The following ORC1 variants were observed in gnomAD, a reference collection of about 807,000 sequenced individuals.
ORC1 encodes the protein origin recognition complex subunit 1, also known as origin recognition complex, subunit 1 homolog.
ORC1 carries 61 observed loss-of-function variants against 98.9 expected under a neutral mutation model. The ratio of observed to expected loss-of-function variants is 0.62; its 90% CI spans 0.50 to 0.76. The LOEUF is 0.76. ORC1 is among the 30% of genes least tolerant of loss of function. The pLI is 0.00. For missense variants in ORC1, 979 were observed against 1,072.2 expected (o/e 0.91, Z 1.21); for synonymous variants, 385 against 406.9 (o/e 0.95, Z 0.65).
In ORC1 at chr1:52,372,871, T is replaced by C; in HGVS notation, c.*310A>G. 5.6e-6 allele frequency: 2 copies of C among 357,296 alleles called. No homozygotes were observed. The highest frequency in any genetic ancestry group is 5.4e-6 in the Non-Finnish European group (1 of 186,684). 22.1% of individuals were successfully genotyped at this position (357,296 alleles called of 1,614,324 possible). A position where few individuals can be genotyped will look rare whatever the true frequency, so the allele number is the denominator to read the frequency against. ...ATTTAATGGAAAATTCCAAAATACA[T>C]GAGAGCCATTTCCATTCAATATACT... On this transcript the variant is annotated 3_prime_UTR_variant, in exon 17 of 17. Coordinates refer to ENST00000371568, the MANE Select transcript of ORC1 (RefSeq NM_004153.4).
chr1:52,401,590 T>C, intron 2 of ORC1, 101 bp from the exon 3 acceptor site: 2 of 1,401,898 alleles, frequency 1.4e-6, no homozygotes, highest in Non-Finnish European at 2.0e-6. Flanking sequence ...TCCTGATTTC[T>C]TTCTGCTGAC....
intron 4 of ORC1, among the ~76,000 whole-genome samples, chr1:52,396,839 TC>T (rs1003325698): frequency 7.2e-5 from 11 of 152,098 alleles, no homozygotes; most frequent in Non-Finnish European, 1.0e-4. Flanking sequence ...CAATAATGGC[TC>T]CCACTGTAGC....
intron 13 of ORC1, among the ~76,000 whole-genome samples, chr1:52,382,270 C>T (rs918805609): frequency 2.6e-5 from 4 of 151,650 alleles, no homozygotes; most frequent in South Asian, 2.1e-4. Context: ...TGAGCAACCA[C>T]GCCCGGCCTA....
At chr1:52,405,866 T>C (rs1347584058), upstream of ORC1, 15 of 1,603,774 alleles carry the variant, frequency 9.4e-6, no homozygotes, top group South Asian at 7.7e-5. Context: ...CTAGCTAATA[T>C]AAGAGGTTTA....
chr1:52,390,405 C>T (rs373401094), intron 6 of ORC1, among the ~76,000 whole-genome samples: 1 of 152,180 alleles, frequency 6.6e-6, no homozygotes, highest in Non-Finnish European at 1.5e-5. Flanking sequence ...ATACTTATAG[C>T]CGACTGATGT....
In ORC1 at chr1:52,374,920, G is replaced by A. The variant is rs3087475; in HGVS notation, c.2304-23C>T. 3,014 of 1,534,310 alleles carry A rather than the reference G, an allele frequency of 2.0e-3. 49 individuals are homozygous for A. The African/African-American group carries it at 0.036, about 18-fold the overall frequency. On this transcript the variant is annotated intron_variant, in intron 15 of 16. Coordinates refer to ENST00000371568, the MANE Select transcript of ORC1 (RefSeq NM_004153.4). ...TTTCTTAAAGGAAACGAGGGGATGT[G>A]AGTTTTTGTCAGTGGCTGTAACCCC... is the stretch of plus-strand genomic sequence containing the variant.
intron 14 of ORC1, among the ~76,000 whole-genome samples, chr1:52,378,901 C>T (rs557955396): frequency 1.3e-5 from 2 of 149,026 alleles, no homozygotes; most frequent in Admixed American, 1.3e-4. Context: ...GGCATGTTGG[C>T]GGGCACCTGT....
intron 1 of ORC1, among the ~76,000 whole-genome samples, chr1:52,403,627 C>T (rs530562963): frequency 1.2e-4 from 19 of 152,140 alleles, no homozygotes; most frequent in Non-Finnish European, 2.6e-4. Flanking sequence ...ATAAGAATGC[C>T]TTTTCCAACT....
rs1352006886 is a variant in ORC1, at chr1:52,373,038, T to TG, written c.*142dup. 6 of 866,518 alleles carry TG rather than the reference T, an allele frequency of 6.9e-6. No homozygotes were observed. Among genetic ancestry groups the TG allele is most frequent in the East Asian group, 4.9e-5 (2 of 40,590 alleles). 53.7% of individuals were successfully genotyped at this position (866,518 alleles called of 1,614,324 possible). A position where few individuals can be genotyped will look rare whatever the true frequency, so the allele number is the denominator to read the frequency against. ...TTTCAGCCACCTGGGAGGATGAGGTTGGGGGGTCACCTAAGCCTGAGAAGT... is the reference window on the plus strand; with the variant it reads ...TTTCAGCCACCTGGGAGGATGAGGTTGGGGGGGTCACCTAAGCCTGAGAAGT... On this transcript the variant is annotated 3_prime_UTR_variant, in exon 17 of 17. Coordinates refer to ENST00000371568, the MANE Select transcript of ORC1 (RefSeq NM_004153.4).
At chr1:52,396,420 A>G (rs895291221) in intron 4 of ORC1, 56 bp from the exon 5 acceptor site, 4 of 1,609,404 alleles carry the variant, frequency 2.5e-6, no homozygotes, top group Non-Finnish European at 3.4e-6. Flanking sequence ...AGAGCCAAGG[A>G]GTATTCCATC....
chr1:52,394,764 T>G (rs1173299824), intron 5 of ORC1, among the ~76,000 whole-genome samples: 3 of 152,170 alleles, frequency 2.0e-5, no homozygotes, highest in African/African-American at 7.2e-5. Flanking sequence ...TTCTCCTGCC[T>G]CAGCCTCCCG....
intron 14 of ORC1, among the ~76,000 whole-genome samples, chr1:52,379,525 G>A (rs1174521153): frequency 6.6e-6 from 1 of 151,984 alleles, no homozygotes; most frequent in Non-Finnish European, 1.5e-5. Flanking sequence ...TTACAGGCGT[G>A]AGCCACCGCA....
chr1:52,395,130 G>A (rs975826429), intron 5 of ORC1, among the ~76,000 whole-genome samples: 2 of 152,140 alleles, frequency 1.3e-5, no homozygotes, highest in African/African-American at 4.8e-5. Flanking sequence ...AAGGATGAAT[G>A]ACTACAACAA....
chr1:52,381,796 T>G, intron 13 of ORC1, 35 bp from the exon 14 acceptor site: 1 of 1,610,472 alleles, frequency 6.2e-7, no homozygotes, highest in Non-Finnish European at 8.5e-7. Flanking sequence ...ATAAGTTGGT[T>G]GACTGCCCAG....
At chr1:52,391,037 G>T (rs1209574509) in intron 6 of ORC1, among the ~76,000 whole-genome samples, 1 of 151,690 alleles carries the variant, frequency 6.6e-6, no homozygotes, top group South Asian at 2.1e-4. Flanking sequence ...ACGGGCAGGC[G>T]CAGTGGCTCA....
chr1:52,408,566 C>T (rs1648065860), upstream of ORC1: 1 of 1,614,138 alleles, frequency 6.2e-7, no homozygotes, highest in East Asian at 2.2e-5. Flanking sequence ...ATCTGTCTCT[C>T]AGGTATGTCC....
chr1:52,388,664 TACTC>T, intron 7 of ORC1, 27 bp from the exon 8 acceptor site: 1 of 1,580,436 alleles, frequency 6.3e-7, no homozygotes. Context: ...TATTTTTTGA[TACTC>T]AGTGTTCAAG....
chr1:52,405,898 G>A (rs947435603), upstream of ORC1: 1 of 1,506,434 alleles, frequency 6.6e-7, no homozygotes, highest in Non-Finnish European at 9.2e-7. Flanking sequence ...TTAGAATTGG[G>A]CTTTGGTTAA....
intron 11 of ORC1, among the ~76,000 whole-genome samples, 158 bp from the exon 12 acceptor site, chr1:52,384,095 G>A (rs1202725130): frequency 6.6e-6 from 1 of 152,234 alleles, no homozygotes; most frequent in Admixed American, 6.5e-5. Context: ...GGAAGGACAA[G>A]AGAAGGCACC....
Sources: allele counts gnomAD v4.1 joint callset (sites outside exome capture counted in the v4.1 genomes callset), GRCh38; gene constraint gnomAD v4.1.1; transcripts MANE v1.5; gene names NCBI Gene and HGNC (gene_info 2026-07-23, HGNC 2026-07-21).